SETD5: variants seen among roughly 807,000 people sequenced by gnomAD.
SETD5 encodes the protein histone-lysine N-methyltransferase SETD5.
In SETD5, 44 loss-of-function variants were observed where a neutral mutation model predicts 153.3. That is an observed-to-expected ratio of 0.29 (90% confidence interval 0.23 to 0.37). The LOEUF (loss-of-function observed/expected upper bound fraction) is 0.37, where lower values mean the gene tolerates loss of function less well. Ranked by LOEUF, SETD5 falls within the 10% of genes least tolerant of loss-of-function variation. The pLI, the probability that SETD5 is intolerant of heterozygous loss-of-function variation, is 1.00. For synonymous variants in SETD5, 716 were observed against 645.2 expected (o/e 1.11, Z -1.66); for missense variants, 1,544 against 1,768.0 (o/e 0.87, Z 2.27).
At chr3:9,438,422 C>T (rs530496141) in intron 7 of SETD5, among the ~76,000 whole-genome samples, 1 of 152,254 alleles carries the variant, frequency 6.6e-6, no homozygotes, top group East Asian at 1.9e-4. Flanking sequence ...AGCTCGAAAC[C>T]TTTCAAAAGC....
intron 8 of SETD5, among the ~76,000 whole-genome samples, chr3:9,440,929 G>C (rs1042011172): frequency 6.6e-6 from 1 of 152,154 alleles, no homozygotes; most frequent in African/African-American, 2.4e-5. Context: ...TTGAGGCTGT[G>C]TGCAGTGCAG....
At chr3:9,447,644 T>G in intron 14 of SETD5, 42 bp from the exon 15 acceptor site, 1 of 1,574,528 alleles carries the variant, frequency 6.4e-7, no homozygotes, top group Non-Finnish European at 8.7e-7. Flanking sequence ...TGTTTGCTGA[T>G]AAAACATTTC....
rs755840233 is a variant in SETD5, at chr3:9,433,931, G to T, written c.158G>T (p.Cys53Phe). 1 of 1,613,956 alleles carries T rather than the reference G, an allele frequency of 6.2e-7. No individual in the cohort carries two copies. Among genetic ancestry groups the T allele is most frequent in the Non-Finnish European group, 8.5e-7 (1 of 1,179,850 alleles). ...HNYGTTQRHG[C>F]RGLPYATIIP... The stretch of plus-strand genomic sequence containing the variant: ...TATGGGACCACTCAGAGGCATGGGT[G>T]TCGAGGACTGCCTTATGCTGTGAGT... The change falls in exon 4 of 23, where the codon TGT becomes TTT. Residue 53 changes from cysteine to phenylalanine, a missense_variant. Around this residue, in one of 9 missense-constraint regions of SETD5, gnomAD observed 251 missense variants for 326.9 expected, o/e 0.77. Transcript: ENST00000402198.
At chr3:9,407,413 T>G (rs1283810870) in intron 1 of SETD5, among the ~76,000 whole-genome samples, 1 of 152,178 alleles carries the variant, frequency 6.6e-6, no homozygotes, top group Non-Finnish European at 1.5e-5. Context: ...GGAAGACATG[T>G]ATTTTTAGAG....
At chr3:9,417,356 T>G (rs2125591849) in intron 1 of SETD5, among the ~76,000 whole-genome samples, 1 of 152,320 alleles carries the variant, frequency 6.6e-6, no homozygotes, top group South Asian at 2.1e-4. Flanking sequence ...TTTTCCCTCA[T>G]TTGGCCAGGG....
At chr3:9,402,252 AC>A (rs1440016546) in intron 1 of SETD5, among the ~76,000 whole-genome samples, 1 of 152,168 alleles carries the variant, frequency 6.6e-6, no homozygotes, top group Non-Finnish European at 1.5e-5. Flanking sequence ...GAATTCCCCT[AC>A]CCTGGGACAA....
At chr3:9,474,621 C>T in intron 21 of SETD5, 39 bp downstream of exon 21, 1 of 1,609,598 alleles carries the variant, frequency 6.2e-7, no homozygotes, top group Non-Finnish European at 8.5e-7. Context: ...CATTCAGGGA[C>T]ACATGAGCCG....
chr3:9,445,834 T>C, intron 13 of SETD5, 94 bp downstream of exon 13: 2 of 758,636 alleles, frequency 2.6e-6, no homozygotes, highest in Non-Finnish European at 4.0e-6. Flanking sequence ...ATCATCTCAT[T>C]GATTTGACCT....
intron 1 of SETD5, among the ~76,000 whole-genome samples, chr3:9,414,012 G>A (rs549829135): frequency 6.6e-6 from 1 of 152,156 alleles, no homozygotes; most frequent in East Asian, 1.9e-4. Flanking sequence ...TCTTGACCTC[G>A]TGATCTGCCA....
intron 17 of SETD5, among the ~76,000 whole-genome samples, chr3:9,454,622 CAAAAAAAAAAAAAA>C (rs67028533): frequency 4.8e-4 from 28 of 58,036 alleles, no homozygotes; most frequent in African/African-American, 1.2e-3. Context: ...AACTCCGTCT[CAAAAAAAAAAAAAA>C]AAAAAAAAAA....
intron 17 of SETD5, among the ~76,000 whole-genome samples, chr3:9,459,973 T>C (rs2043754606): frequency 6.6e-6 from 1 of 151,938 alleles, no homozygotes; most frequent in South Asian, 2.1e-4. Flanking sequence ...AAATAGGCTA[T>C]CAAATTATCC....
intron 16 of SETD5, among the ~76,000 whole-genome samples, chr3:9,449,782 C>T (rs2042414229): frequency 1.3e-5 from 2 of 152,150 alleles, no homozygotes; most frequent in Admixed American, 6.5e-5. Context: ...TGCAGAAAGT[C>T]TTTTCCTAAT....
rs115163850 is a variant in SETD5, at chr3:9,399,746, G to A, written c.-177+1769G>A. The stretch of plus-strand genomic sequence containing the variant: ...TAAATGTTGATTTTTCTAATAAAAG[G>A]CCTTGGTTTAAAAGGGTGACCTTAG... On this transcript the variant is annotated intron_variant, in intron 1 of 22. Transcript: ENST00000402198. 5.7e-3 allele frequency among the ~76,000 whole-genome samples: 868 copies of A among 151,970 alleles called. 6 individuals carry two copies. The highest frequency in any genetic ancestry group is 0.019 in the African/African-American group (788 of 41,432).
chr3:9,456,745 C>T (rs911574533), intron 17 of SETD5, among the ~76,000 whole-genome samples: 5 of 150,928 alleles, frequency 3.3e-5, no homozygotes, highest in South Asian at 2.1e-4. Flanking sequence ...GAGGCTGAGG[C>T]GGGCAGATCA....
intron 18 of SETD5, among the ~76,000 whole-genome samples, chr3:9,466,296 A>G (rs986318890): frequency 1.3e-5 from 2 of 151,464 alleles, no homozygotes; most frequent in Non-Finnish European, 2.9e-5. Context: ...TCAAAAAAAA[A>G]AAAAAAAAAA....
chr3:9,462,479 C>T lies in SETD5; in HGVS notation c.2477-1946C>T, dbSNP rs574423663. On this transcript the variant is annotated intron_variant, in intron 17 of 22. Coordinates refer to ENST00000402198, the MANE Select transcript of SETD5 (RefSeq NM_001080517.3). ...GCGAGCACCTGTAGTCCCAGCTACT[C>T]GGGAGGCTGAGGCAGGAGAATGGTG... Among the ~76,000 whole-genome samples the T allele has an allele frequency of 1.3e-4, 20 of 149,550 alleles. No homozygotes were observed. The South Asian group carries it at 3.8e-3, about 29-fold the overall frequency.
intron 1 of SETD5, among the ~76,000 whole-genome samples, chr3:9,420,062 G>C (rs2038141754): frequency 6.6e-6 from 1 of 152,052 alleles, no homozygotes; most frequent in Admixed American, 6.6e-5. Flanking sequence ...TTATTTGAGG[G>C]CATCATCTTT....
At chr3:9,440,415 T>C (rs1384778092) in intron 7 of SETD5, 41 bp from the exon 8 acceptor site, 1 of 1,080,640 alleles carries the variant, frequency 9.3e-7, no homozygotes, top group Non-Finnish European at 1.4e-6. Flanking sequence ...CCTCTATTTA[T>C]GCATGGACTT....
intron 3 of SETD5, chr3:9,430,304 G>A: frequency 2.0e-6 from 2 of 982,890 alleles, no homozygotes; most frequent in South Asian, 4.7e-5. Context: ...CTGAGAAATA[G>A]TATATAATAT....
Sources: allele counts gnomAD v4.1 joint callset (sites outside exome capture counted in the v4.1 genomes callset), GRCh38; gene constraint gnomAD v4.1.1; regional missense constraint gnomAD v4.1.1; transcripts MANE v1.5; gene names NCBI Gene and HGNC (gene_info 2026-07-23, HGNC 2026-07-21).